Variants in PTPRD observed in about 807,000 individuals in gnomAD.
The protein encoded by PTPRD is protein tyrosine phosphatase receptor type D.
Under a neutral mutation model 214.5 loss-of-function variants are expected in PTPRD, and 34 were observed. The observed-to-expected ratio is 0.16, with a 90% confidence interval of 0.12 to 0.21. The LOEUF is 0.21. PTPRD is among the 10% of genes least tolerant of loss of function. The pLI is 1.00. For synonymous variants in PTPRD, 1,128 were observed against 845.7 expected, an observed-to-expected ratio of 1.33 and a Z score of -5.79; for missense variants, 2,545 against 2,398.7, an observed-to-expected ratio of 1.06 and a Z score of -1.27.
intron 39 of PTPRD, among the ~76,000 whole-genome samples, chr9:8,370,237 C>CACACAT (rs1249755793): frequency 2.2e-5 from 1 of 44,466 alleles, no homozygotes; most frequent in African/African-American, 4.2e-5. Flanking sequence ...CACACACACA[C>CACACAT]ATATATATAT....
chr9:10,033,268 T>C (rs1365665327), intron 4 of PTPRD, among the ~76,000 whole-genome samples: 3 of 151,890 alleles, frequency 2.0e-5, no homozygotes, highest in African/African-American at 4.8e-5. Context: ...AAACAATGCA[T>C]TGAAACATAA....
At chr9:10,242,612 T>TTA (rs1554935104) in intron 3 of PTPRD, among the ~76,000 whole-genome samples, 1 of 151,176 alleles carries the variant, frequency 6.6e-6, no homozygotes, top group Non-Finnish European at 1.5e-5. Flanking sequence ...TGAATACATT[T>TTA]TTTTTTTTTT....
chr9:9,750,842 C>G (rs1036471192), intron 6 of PTPRD, among the ~76,000 whole-genome samples: 4 of 152,054 alleles, frequency 2.6e-5, no homozygotes, highest in African/African-American at 9.7e-5. Flanking sequence ...TATGCTTCCT[C>G]CAAAGGCCCA....
chr9:9,903,007 G>A (rs1425573038), intron 5 of PTPRD, among the ~76,000 whole-genome samples: 1 of 152,054 alleles, frequency 6.6e-6, no homozygotes, highest in Non-Finnish European at 1.5e-5. Flanking sequence ...AGTTTTACCT[G>A]AGTGAAAAAC....
intron 30 of PTPRD, 119 bp downstream of exon 30, chr9:8,484,000 A>C: frequency 2.3e-6 from 3 of 1,310,976 alleles, no homozygotes; most frequent in Non-Finnish European, 3.1e-6. Context: ...GAGTCTGAGC[A>C]GAAGAATCTT....
At chr9:9,099,190 A>G (rs1466236751) in intron 10 of PTPRD, among the ~76,000 whole-genome samples, 1 of 152,212 alleles carries the variant, frequency 6.6e-6, no homozygotes. Context: ...ATTTATTAGC[A>G]ACAGGTGATG....
At chr9:10,512,711 T>C (rs972555455) in intron 2 of PTPRD, among the ~76,000 whole-genome samples, 6 of 152,032 alleles carry the variant, frequency 3.9e-5, no homozygotes, top group African/African-American at 1.2e-4. Context: ...TACAGGACTT[T>C]GGTGAGGTTT....
chr9:10,082,718 C>T (rs115555265), intron 3 of PTPRD, among the ~76,000 whole-genome samples: 163 of 151,378 alleles, frequency 1.1e-3, no homozygotes, highest in African/African-American at 3.8e-3. Flanking sequence ...AAATATGTTG[C>T]TTCATGTTTA....
chr9:10,363,369 GTAAA>G (rs1352521345), intron 2 of PTPRD, among the ~76,000 whole-genome samples: 1 of 152,148 alleles, frequency 6.6e-6, no homozygotes, highest in Non-Finnish European at 1.5e-5. Context: ...ATAAGAAATA[GTAAA>G]TAAGCCCTCT....
intron 11 of PTPRD, among the ~76,000 whole-genome samples, chr9:8,822,210 G>A (rs933176742): frequency 2.6e-5 from 4 of 152,154 alleles, no homozygotes; most frequent in African/African-American, 9.7e-5. Flanking sequence ...GTCACTGAAA[G>A]TTTCCCCCAG....
At chr9:9,762,687 A>T (rs541046715) in intron 6 of PTPRD, among the ~76,000 whole-genome samples, 3 of 152,248 alleles carry the variant, frequency 2.0e-5, no homozygotes, top group African/African-American at 7.2e-5. Flanking sequence ...TCATTTCTAC[A>T]TAAGACTTCA....
At chr9:9,724,121 T>G (rs1036647346) in intron 7 of PTPRD, among the ~76,000 whole-genome samples, 3 of 152,166 alleles carry the variant, frequency 2.0e-5, no homozygotes, top group Admixed American at 2.0e-4. Flanking sequence ...TTTGTTATTG[T>G]TGTAGCTAAA....
intron 9 of PTPRD, among the ~76,000 whole-genome samples, chr9:9,372,516 T>C (rs936236290): frequency 1.3e-5 from 2 of 152,108 alleles, no homozygotes; most frequent in African/African-American, 4.8e-5. Flanking sequence ...TCTCTGCACA[T>C]GAGATGGGTT....
chr9:10,366,968 G>A (rs2097528490), intron 2 of PTPRD, among the ~76,000 whole-genome samples: 1 of 151,926 alleles, frequency 6.6e-6, no homozygotes, highest in Non-Finnish European at 1.5e-5. Context: ...TGACCTGGGT[G>A]GTGAATACAT....
intron 9 of PTPRD, among the ~76,000 whole-genome samples, chr9:9,241,806 A>G (rs1402893009): frequency 6.6e-6 from 1 of 151,380 alleles, no homozygotes; most frequent in Non-Finnish European, 1.5e-5. Context: ...CCAATTTGCC[A>G]GTCTGTGTCT....
chr9:9,146,330 T>C (rs905750782), intron 10 of PTPRD, among the ~76,000 whole-genome samples: 1 of 152,154 alleles, frequency 6.6e-6, no homozygotes, highest in South Asian at 2.1e-4. Context: ...TTTCTCAAAG[T>C]GTGATTTATG....
intron 3 of PTPRD, among the ~76,000 whole-genome samples, chr9:10,228,302 T>A (rs2099596007): frequency 6.6e-6 from 1 of 152,044 alleles, no homozygotes; most frequent in South Asian, 2.1e-4. Flanking sequence ...TGTTTTCACA[T>A]TTTGTTTGCT....
At chr9:10,552,586 C>T (rs1225383306) in intron 2 of PTPRD, among the ~76,000 whole-genome samples, 1 of 152,128 alleles carries the variant, frequency 6.6e-6, no homozygotes, top group Non-Finnish European at 1.5e-5. Context: ...ATTTATATCC[C>T]TACCACTGTG....
chr9:10,543,485 C>T (rs1482802334), intron 2 of PTPRD, among the ~76,000 whole-genome samples: 2 of 150,940 alleles, frequency 1.3e-5, no homozygotes, highest in African/African-American at 4.9e-5. Flanking sequence ...TATATACACA[C>T]ACACACACAC....
Sources: gnomAD v4.1 joint callset for allele counts (sites outside exome capture counted in the v4.1 genomes callset) on GRCh38, gnomAD v4.1.1 for gene constraint, MANE v1.5 for transcripts, NCBI Gene and HGNC (gene_info 2026-07-23, HGNC 2026-07-21) for gene names.